Variants in SEMA3E observed in about 807,000 individuals in gnomAD.
The protein encoded by SEMA3E is semaphorin 3E, also known as semaphorin-3E.
A neutral mutation model predicts 93.6 loss-of-function variants in SEMA3E; 49 were observed. The observed-to-expected ratio is 0.52, with a 90% CI of 0.42 to 0.66. The LOEUF is 0.66. Among genes scored for constraint, SEMA3E ranks in the 30% least tolerant of loss-of-function variants. The pLI is 0.00. For missense variants in SEMA3E, 906 were observed against 964.8 expected (o/e 0.94, Z 0.81); for synonymous variants, 363 against 330.7 (o/e 1.10, Z -1.06).
At chr7:83,553,758 A>G (rs1264106140) in intron 1 of SEMA3E, among the ~76,000 whole-genome samples, 1 of 152,168 alleles carries the variant, frequency 6.6e-6, no homozygotes, top group African/African-American at 2.4e-5. Flanking sequence ...TTATTTTCAC[A>G]TAGACAAAGT....
chr7:83,519,859 A>T (rs1791008870), intron 1 of SEMA3E, among the ~76,000 whole-genome samples: 1 of 152,142 alleles, frequency 6.6e-6, no homozygotes, highest in Admixed American at 6.6e-5. Flanking sequence ...AAACCATGAG[A>T]TGAAGAGGTT....
Position 83,396,562 on chromosome 7 carries a change from C to T in SEMA3E, c.1458+76G>A, listed in dbSNP as rs1018205906. On this transcript the variant is annotated intron_variant, in intron 12 of 16. Transcript: ENST00000643230. Reference sequence around the variant, plus strand: ...TACCTGTTAGGGAAAAAAAAATGGACATAGTATCTTTCCTATTTACATCTC... The same window carrying T: ...TACCTGTTAGGGAAAAAAAAATGGATATAGTATCTTTCCTATTTACATCTC... 13 of 863,696 alleles carry T rather than the reference C, an allele frequency of 1.5e-5. No homozygotes were observed. In the African/African-American group the frequency reaches 2.2e-4, roughly 14 times the overall value. The allele number at this position is 863,696 out of a possible 1,614,324, so 53.5% of individuals were successfully genotyped here. A position where few individuals can be genotyped will look rare whatever the true frequency, so the allele number is the denominator to read the frequency against.
chr7:83,606,410 C>T (rs1793119162), intron 1 of SEMA3E, among the ~76,000 whole-genome samples: 2 of 151,764 alleles, frequency 1.3e-5, no homozygotes. Flanking sequence ...GGCACATATA[C>T]ACCATGGAAT....
At chr7:83,507,059 G>T (rs1191325586) in intron 1 of SEMA3E, among the ~76,000 whole-genome samples, 1 of 152,164 alleles carries the variant, frequency 6.6e-6, no homozygotes, top group Non-Finnish European at 1.5e-5. Flanking sequence ...ATTCCTGCCA[G>T]CTGGAGGCAA....
chr7:83,564,794 T>C (rs1792107709), intron 1 of SEMA3E, among the ~76,000 whole-genome samples: 1 of 152,066 alleles, frequency 6.6e-6, no homozygotes, highest in Non-Finnish European at 1.5e-5. Context: ...CATGGTTGGC[T>C]AAAAAAAGGA....
intron 4 of SEMA3E, among the ~76,000 whole-genome samples, chr7:83,427,458 T>C (rs1038603414): frequency 1.3e-5 from 2 of 152,170 alleles, no homozygotes; most frequent in South Asian, 4.1e-4. Flanking sequence ...TGCAACTTTA[T>C]GCAACTGAGA....
At chr7:83,434,273 A>C (rs962534480) in intron 4 of SEMA3E, among the ~76,000 whole-genome samples, 3 of 152,184 alleles carry the variant, frequency 2.0e-5, no homozygotes, top group Non-Finnish European at 4.4e-5. Flanking sequence ...AAACAACTTT[A>C]TTAAACTGAT....
chr7:83,536,927 G>A (rs1160178232), intron 1 of SEMA3E, among the ~76,000 whole-genome samples: 2 of 151,922 alleles, frequency 1.3e-5, no homozygotes, highest in African/African-American at 4.8e-5. Flanking sequence ...CACTATATTT[G>A]GAGAAAGGGC....
At chr7:83,422,641 C>G (rs6963051) in intron 4 of SEMA3E, among the ~76,000 whole-genome samples, 1 of 151,936 alleles carries the variant, frequency 6.6e-6, no homozygotes, top group African/African-American at 2.4e-5. Context: ...GACAGTGATA[C>G]TAGGCTGCTT....
intron 9 of SEMA3E, among the ~76,000 whole-genome samples, chr7:83,404,929 G>A (rs1311166893): frequency 7.2e-5 from 11 of 151,816 alleles, no homozygotes. Flanking sequence ...ATATAGTAAT[G>A]GGAACTAGCA....
intron 13 of SEMA3E, 26 bp downstream of exon 13, chr7:83,394,270 CT>C: frequency 8.1e-7 from 1 of 1,228,304 alleles, no homozygotes; most frequent in South Asian, 1.9e-5. Flanking sequence ...ACACACACAC[CT>C]ACACACACAC....
chr7:83,569,696 G>T (rs1008370331), intron 1 of SEMA3E, among the ~76,000 whole-genome samples: 2 of 152,106 alleles, frequency 1.3e-5, no homozygotes, highest in Admixed American at 6.5e-5. Flanking sequence ...TCTTCTAAAC[G>T]TATATCCACC....
intron 1 of SEMA3E, among the ~76,000 whole-genome samples, chr7:83,623,456 C>T (rs1009846106): frequency 4.0e-5 from 6 of 151,832 alleles, no homozygotes; most frequent in East Asian, 1.9e-4. Flanking sequence ...GCTACATATC[C>T]GAAAGAAAAT....
intron 1 of SEMA3E, among the ~76,000 whole-genome samples, chr7:83,639,467 A>T (rs78661001): frequency 6.6e-6 from 1 of 151,926 alleles, no homozygotes; most frequent in African/African-American, 2.4e-5. Context: ...ATTTCAATTC[A>T]GTAGATACCA....
intron 2 of SEMA3E, among the ~76,000 whole-genome samples, chr7:83,473,259 G>T (rs749295414): frequency 1.3e-5 from 2 of 152,114 alleles, no homozygotes; most frequent in Non-Finnish European, 2.9e-5. Context: ...ATGCTTAAGA[G>T]TCCTCAGAGA....
intron 2 of SEMA3E, among the ~76,000 whole-genome samples, chr7:83,482,564 C>CAAAAA (rs11429680): frequency 3.7e-5 from 3 of 80,232 alleles, no homozygotes; most frequent in East Asian, 7.4e-4. Context: ...CACTCCGTCT[C>CAAAAA]AAAAAAAAAA....
intron 1 of SEMA3E, among the ~76,000 whole-genome samples, chr7:83,645,629 G>A (rs1794068798): frequency 1.3e-5 from 2 of 151,252 alleles, no homozygotes; most frequent in African/African-American, 4.9e-5. Flanking sequence ...GAAGAGAGAG[G>A]GATTCAATAT....
intron 4 of SEMA3E, among the ~76,000 whole-genome samples, chr7:83,423,138 A>G (rs181443135): frequency 5.3e-5 from 8 of 152,312 alleles, no homozygotes; most frequent in Admixed American, 3.9e-4. Context: ...AAAACAATCA[A>G]ATGGCACCCA....
intron 1 of SEMA3E, among the ~76,000 whole-genome samples, chr7:83,518,101 T>C (rs1299896479): frequency 6.6e-6 from 1 of 150,812 alleles, no homozygotes. Flanking sequence ...AGTCCCTGCT[T>C]TTCTTCATGA....
Sources: gnomAD v4.1 joint callset for allele counts (sites outside exome capture counted in the v4.1 genomes callset) on GRCh38, gnomAD v4.1.1 for gene constraint, MANE v1.5 for transcripts, NCBI Gene and HGNC (gene_info 2026-07-23, HGNC 2026-07-21) for gene names.